ISY1: variants seen among roughly 807,000 people sequenced by gnomAD.
The protein encoded by ISY1 is ISY1 spliceosome associated protein.
In ISY1, 12 loss-of-function variants were observed where a neutral mutation model predicts 54.4. That is an observed-to-expected ratio of 0.22 (90% CI 0.14 to 0.36). The LOEUF (loss-of-function observed/expected upper bound fraction) is 0.36, where lower values mean the gene tolerates loss of function less well. ISY1 is among the 10% of genes least tolerant of loss of function. The pLI is 1.00. For synonymous variants in ISY1, 96 were observed against 117.9 expected (o/e 0.81, Z 1.20); for missense variants, 282 against 342.2 (o/e 0.82, Z 1.39).
intron 7 of ISY1, among the ~76,000 whole-genome samples, chr3:129,136,525 C>T (rs532905357): frequency 9.9e-5 from 15 of 151,364 alleles, no homozygotes; most frequent in African/African-American, 3.6e-4. Context: ...TTTTGTGGGA[C>T]GGAGTCTCGC....
Position 129,129,742 on chromosome 3 carries a change from T to C in ISY1, c.*339A>G. On this transcript the variant is annotated 3_prime_UTR_variant, in exon 11 of 11. Coordinates refer to ENST00000393295, the MANE Select transcript of ISY1 (RefSeq NM_020701.4). ...CATTTTTTAAAATTATACTTTGGTC[T>C]GCAAAAAATTGCATTTTTAAATGTT... is the stretch of plus-strand genomic sequence containing the variant. The C allele has an allele frequency of 5.1e-6, 1 of 196,978 alleles. No individual in the cohort carries two copies. The highest frequency in any genetic ancestry group is 1.0e-5 in the Non-Finnish European group (1 of 98,060). The allele number at this position is 196,978 out of a possible 1,614,324, so 12.2% of individuals were successfully genotyped here. A position where few individuals can be genotyped will look rare whatever the true frequency, so the allele number is the denominator to read the frequency against.
chr3:129,139,194 C>T (rs1450610608), intron 7 of ISY1, among the ~76,000 whole-genome samples: 2 of 152,068 alleles, frequency 1.3e-5, no homozygotes, highest in Non-Finnish European at 2.9e-5. Flanking sequence ...CTCAGGCTCC[C>T]AAAGTGCTGG....
chr3:129,134,723 A>C (rs1322451160), intron 8 of ISY1, 109 bp downstream of exon 8: 2 of 1,397,676 alleles, frequency 1.4e-6, no homozygotes, highest in Non-Finnish European at 1.9e-6. Flanking sequence ...ATCATTAGCA[A>C]CAAAGAAAAC....
At chr3:129,145,020 C>T (rs1330626371) in intron 6 of ISY1, among the ~76,000 whole-genome samples, 1 of 152,134 alleles carries the variant, frequency 6.6e-6, no homozygotes, top group East Asian at 1.9e-4. Context: ...AAGCCATCCT[C>T]CCACCTCATC....
chr3:129,160,936 C>T, intron 1 of ISY1, 37 bp downstream of exon 1: 1 of 477,890 alleles, frequency 2.1e-6, no homozygotes, highest in Non-Finnish European at 4.1e-6. Flanking sequence ...GCCCGCCCGC[C>T]CATCCACTCG....
At chr3:129,138,627 G>C (rs1418372824) in intron 7 of ISY1, among the ~76,000 whole-genome samples, 1 of 151,262 alleles carries the variant, frequency 6.6e-6, no homozygotes, top group Non-Finnish European at 1.5e-5. Flanking sequence ...CTTGGTGACA[G>C]AGCGAGACTC....
At position 129,141,975 on chromosome 3, in the gene ISY1, C is replaced by A. The variant is rs138730858; in HGVS notation, c.301-1490G>T. 1.7e-4 allele frequency among the ~76,000 whole-genome samples: 26 copies of A among 151,878 alleles called. 3 individuals are homozygous for A. The highest frequency in any genetic ancestry group is 5.9e-4 in the Admixed American group (9 of 15,218). On this transcript the variant is annotated intron_variant, in intron 6 of 10. Transcript: ENST00000393295. The stretch of plus-strand genomic sequence containing the variant: ...ATCCCAGCACTTTGTGAGACCAAGG[C>A]GGGAAGATCACCTGAGGTCAGGAGT...
At chr3:129,154,337 A>G (rs955078786) in intron 5 of ISY1, among the ~76,000 whole-genome samples, 28 of 146,340 alleles carry the variant, frequency 1.9e-4, no homozygotes, top group Middle Eastern at 3.6e-3. Context: ...AATTGCTTGA[A>G]CCCAGGGAGG....
chr3:129,139,149 C>A (rs1445250080), intron 7 of ISY1, among the ~76,000 whole-genome samples: 1 of 151,932 alleles, frequency 6.6e-6, no homozygotes, highest in Non-Finnish European at 1.5e-5. Context: ...GTTGGCCAGG[C>A]TGGTCTCGAA....
intron 5 of ISY1, among the ~76,000 whole-genome samples, chr3:129,151,022 G>A (rs1457042997): frequency 6.6e-6 from 1 of 151,416 alleles, no homozygotes; most frequent in Non-Finnish European, 1.5e-5. Flanking sequence ...CTACTCGAGA[G>A]GCTGAGGCAG....
chr3:129,140,080 A>T (rs1344172253), intron 7 of ISY1, among the ~76,000 whole-genome samples: 1 of 152,216 alleles, frequency 6.6e-6, no homozygotes, highest in East Asian at 1.9e-4. Context: ...GTTCTGGGAA[A>T]CTTCAAATAG....
At chr3:129,149,563 A>G (rs13089157) in intron 5 of ISY1, among the ~76,000 whole-genome samples, 1 of 133,856 alleles carries the variant, frequency 7.5e-6, no homozygotes, top group Non-Finnish European at 1.6e-5. Flanking sequence ...CCTGGCTAAC[A>G]CAGTGAAACC....
At chr3:129,148,497 T>C (rs1936840340) in intron 5 of ISY1, among the ~76,000 whole-genome samples, 1 of 152,236 alleles carries the variant, frequency 6.6e-6, no homozygotes, top group Admixed American at 6.5e-5. Flanking sequence ...AGTATCCCAC[T>C]GTTGTTTTAA....
At chr3:129,149,319 C>T (rs1447153105) in intron 5 of ISY1, among the ~76,000 whole-genome samples, 3 of 148,656 alleles carry the variant, frequency 2.0e-5, no homozygotes, top group Non-Finnish European at 4.4e-5. Flanking sequence ...ATCCCAGCTA[C>T]TTGGGAGGCT....
At chr3:129,150,439 C>T (rs1029669682) in intron 5 of ISY1, among the ~76,000 whole-genome samples, 10 of 152,272 alleles carry the variant, frequency 6.6e-5, no homozygotes, top group Admixed American at 3.3e-4. Flanking sequence ...TGGCCAGGCG[C>T]GGTGGCTCAT....
chr3:129,142,954 C>A (rs1250895208), intron 6 of ISY1, among the ~76,000 whole-genome samples: 2 of 152,144 alleles, frequency 1.3e-5, no homozygotes, highest in African/African-American at 4.8e-5. Context: ...ACTCTGGAGG[C>A]TGAGGCATGA....
At chr3:129,150,605 C>T (rs903680159) in intron 5 of ISY1, among the ~76,000 whole-genome samples, 16 of 151,754 alleles carry the variant, frequency 1.1e-4, no homozygotes, top group African/African-American at 3.6e-4. Context: ...CCCAGCTACT[C>T]GGGAGGCTGA....
chr3:129,159,199 A>G (rs771729318), intron 1 of ISY1, 23 bp from the exon 2 acceptor site: 1 of 1,593,860 alleles, frequency 6.3e-7, no homozygotes, highest in Admixed American at 1.9e-5. Flanking sequence ...AAAAGAGAAG[A>G]AAAATGTCCA....
chr3:129,130,257 G>A, intron 10 of ISY1, 69 bp from the exon 11 acceptor site: 1 of 1,515,200 alleles, frequency 6.6e-7, no homozygotes. Flanking sequence ...ACCCAGCCAG[G>A]AGGAAGTCCC....
Sources: allele counts gnomAD v4.1 joint callset (sites outside exome capture counted in the v4.1 genomes callset), GRCh38; gene constraint gnomAD v4.1.1; transcripts MANE v1.5; gene names NCBI Gene and HGNC (gene_info 2026-07-23, HGNC 2026-07-21).